The following PIERCE2 variants were observed in gnomAD, a reference collection of about 807,000 sequenced individuals.
PIERCE2 encodes piercer of microtubule wall 2.
chr15:55,410,865 G>A, the PIERCE2 span: 2 of 152,066 alleles, frequency 1.3e-5, no homozygotes, highest in Non-Finnish European at 2.9e-5. Flanking sequence ...AAGAAAAGCT[G>A]ATCAGTTGAG....
the PIERCE2 span, chr15:55,418,279 G>A: frequency 6.4e-7 from 1 of 1,551,852 alleles, no homozygotes; most frequent in African/African-American, 1.4e-5. Flanking sequence ...CTGAACAACT[G>A]CCTCCTTGTG....
At chr15:55,416,136 T>A in the PIERCE2 span, among the ~76,000 whole-genome samples, 1 of 152,078 alleles carries the variant, frequency 6.6e-6, no homozygotes, top group Non-Finnish European at 1.5e-5. Context: ...TCTTTTGCTC[T>A]GTCACCAGGC....
chr15:55,415,141 C>T, the PIERCE2 span, among the ~76,000 whole-genome samples: 5 of 152,084 alleles, frequency 3.3e-5, no homozygotes, highest in Non-Finnish European at 5.9e-5. Flanking sequence ...CAGGACAAGC[C>T]GCAGACAAAA....
At chr15:55,416,820 T>G in the PIERCE2 span, among the ~76,000 whole-genome samples, 27,000 of 151,896 alleles carry the variant, frequency 0.18, 4,136 homozygotes, top group African/African-American at 0.42. Flanking sequence ...AATTAGCTGG[T>G]TGTCGTGGTG....
chr15:55,410,288 G>A, the PIERCE2 span, among the ~76,000 whole-genome samples: 1 of 152,092 alleles, frequency 6.6e-6, no homozygotes, highest in South Asian at 2.1e-4. Flanking sequence ...TATGTTTTGA[G>A]CCAAAGCTGA....
At chr15:55,415,370 C>T in the PIERCE2 span, among the ~76,000 whole-genome samples, 2 of 150,834 alleles carry the variant, frequency 1.3e-5, no homozygotes, top group African/African-American at 2.4e-5. Flanking sequence ...GCAGGACAAT[C>T]GCTTGAACCT....
the PIERCE2 span, among the ~76,000 whole-genome samples, chr15:55,411,407 T>C: frequency 6.6e-5 from 10 of 152,248 alleles, no homozygotes; most frequent in African/African-American, 2.4e-4. Context: ...GAGGTTACAA[T>C]GAGCTGCGAC....
the PIERCE2 span, chr15:55,417,911 G>T: frequency 2.5e-5 from 12 of 471,488 alleles, no homozygotes; most frequent in Non-Finnish European, 4.5e-5. Flanking sequence ...GGCGGGCAGG[G>T]GCAGGGGTCA....
chr15:55,411,998 G>A, the PIERCE2 span, among the ~76,000 whole-genome samples: 1 of 149,318 alleles, frequency 6.7e-6, no homozygotes, highest in East Asian at 2.0e-4. Flanking sequence ...GGCTAAGGCA[G>A]GAGAATTGCT....
the PIERCE2 span, among the ~76,000 whole-genome samples, chr15:55,417,018 C>G: frequency 7.3e-6 from 1 of 136,812 alleles, no homozygotes; most frequent in East Asian, 2.2e-4. Context: ...CTCCATGCTA[C>G]CACCTACTAT....
At chr15:55,408,878 C>A in the PIERCE2 span, 1 of 881,344 alleles carries the variant, frequency 1.1e-6, no homozygotes, top group Non-Finnish European at 1.7e-6. Context: ...CCCAACCCCA[C>A]AACCCCGAAA....
the PIERCE2 span, among the ~76,000 whole-genome samples, chr15:55,409,856 C>T: frequency 6.6e-6 from 1 of 152,212 alleles, no homozygotes. Flanking sequence ...AAGCCACTTT[C>T]ACAGGCCAAT....
chr15:55,413,760 C>A, the PIERCE2 span, among the ~76,000 whole-genome samples: 1,203 of 111,368 alleles, frequency 0.011, no homozygotes, highest in East Asian at 0.023. Context: ...AACTCCGTTT[C>A]AAAAAAAAAA....
At chr15:55,412,660 G>C in the PIERCE2 span, among the ~76,000 whole-genome samples, 3 of 152,132 alleles carry the variant, frequency 2.0e-5, no homozygotes, top group Non-Finnish European at 2.9e-5. Flanking sequence ...GTCCCACCTT[G>C]AGAAGCCAAG....
chr15:55,409,405 C>CA, the PIERCE2 span, among the ~76,000 whole-genome samples: 78 of 136,556 alleles, frequency 5.7e-4, no homozygotes, highest in Middle Eastern at 3.6e-3. Flanking sequence ...AACTCCGTCT[C>CA]AAAAAAAAAA....
the PIERCE2 span, among the ~76,000 whole-genome samples, chr15:55,410,036 A>G: frequency 6.6e-6 from 1 of 152,094 alleles, no homozygotes; most frequent in Non-Finnish European, 1.5e-5. Context: ...TCCACATTTT[A>G]AGAATATCAG....
the PIERCE2 span, among the ~76,000 whole-genome samples, chr15:55,413,960 G>C: frequency 2.7e-5 from 4 of 150,894 alleles, no homozygotes; most frequent in African/African-American, 9.7e-5. Flanking sequence ...TGCAGTGGCA[G>C]GATCTCGGCT....
chr15:55,412,979 A>C, the PIERCE2 span, among the ~76,000 whole-genome samples: 2 of 152,144 alleles, frequency 1.3e-5, no homozygotes, highest in Non-Finnish European at 1.5e-5. Flanking sequence ...AAAAATTATA[A>C]AAATTAAGGC....
the PIERCE2 span, among the ~76,000 whole-genome samples, chr15:55,416,174 A>G: frequency 6.6e-6 from 1 of 152,014 alleles, no homozygotes; most frequent in Non-Finnish European, 1.5e-5. Context: ...ATCTTGGCTC[A>G]CTGCAACCTC....
Sources: gnomAD v4.1 joint callset for allele counts (sites outside exome capture counted in the v4.1 genomes callset) on GRCh38, gnomAD v4.1.1 for gene constraint, MANE v1.5 for transcripts, NCBI Gene and HGNC (gene_info 2026-07-23, HGNC 2026-07-21) for gene names.